Variants in MAOB observed in about 807,000 individuals in gnomAD.
MAOB encodes the protein amine oxidase [flavin-containing] B.
MAOB carries 15 observed loss-of-function variants against 41.9 expected under a neutral mutation model. The observed-to-expected ratio is 0.36, with a 90% CI of 0.24 to 0.55. The LOEUF (loss-of-function observed/expected upper bound fraction) is 0.55, where lower values mean the gene tolerates loss of function less well. Among genes scored for constraint, MAOB ranks in the 20% least tolerant of loss-of-function variants. The pLI is 0.86. For synonymous variants in MAOB, 167 were observed against 144.2 expected (o/e 1.16, Z -1.13); for missense variants, 345 against 398.7 (o/e 0.87, Z 1.15).
intron 3 of MAOB, among the ~76,000 whole-genome samples, chrX:43,816,648 G>T (rs1261312836): frequency 8.9e-6 from 1 of 112,229 alleles, no homozygotes; most frequent in Non-Finnish European, 1.9e-5. Flanking sequence ...TAACCAACCT[G>T]ATGCACTGTA....
intron 11 of MAOB, among the ~76,000 whole-genome samples, chrX:43,777,141 C>T (rs979487837): frequency 2.7e-5 from 3 of 111,292 alleles, no homozygotes; most frequent in Middle Eastern, 4.6e-3. Flanking sequence ...GTCAGTGTGG[C>T]GATTCCTCAG....
intron 11 of MAOB, among the ~76,000 whole-genome samples, chrX:43,778,430 T>C (rs2034287398): frequency 9.0e-6 from 1 of 111,276 alleles, no homozygotes; most frequent in South Asian, 3.9e-4. Flanking sequence ...GAAGAAACTC[T>C]GAATTCAGGG....
intron 2 of MAOB, 51 bp from the exon 3 acceptor site, chrX:43,839,056 A>G (rs373630354): frequency 5.7e-5 from 55 of 958,946 alleles, no homozygotes; most frequent in Non-Finnish European, 7.3e-5. Context: ...AATGTATAAA[A>G]TAACAAAAGA....
In MAOB at chrX:43,780,395, T is replaced by A; in HGVS notation, c.1026A>T (p.Gly342=). The part of the protein sequence containing the change: ...KPEGNYAAIM[G]FILAHKARKL... ...TTCTGGCTTTGTGGGCCAGGATAAA[T>A]CTAAAGAATATAAACAAGAAAAAGG... The change falls in exon 10 of 15, where the codon GGA becomes GGT. Residue 342 remains glycine (G), a splice_region_variant and synonymous_variant. Coordinates refer to ENST00000378069, the MANE Select transcript of MAOB (RefSeq NM_000898.5). 8.4e-7 allele frequency: 1 copy of A among 1,190,419 alleles called. No individual in the cohort carries two copies. Among genetic ancestry groups the A allele is most frequent in the Non-Finnish European group, 1.1e-6 (1 of 877,571 alleles).
chrX:43,847,495 G>A (rs2035216136), intron 1 of MAOB, among the ~76,000 whole-genome samples: 1 of 111,498 alleles, frequency 9.0e-6, no homozygotes, highest in African/African-American at 3.3e-5. Flanking sequence ...ATTTTAAAAA[G>A]AAAAAATGGC....
intron 8 of MAOB, among the ~76,000 whole-genome samples, chrX:43,781,965 G>A (rs1452049923): frequency 8.9e-6 from 1 of 112,062 alleles, no homozygotes; most frequent in Non-Finnish European, 1.9e-5. Flanking sequence ...CTTATTCTAA[G>A]TAGTTCTTTA....
chrX:43,881,402 G>C (rs954778541), intron 1 of MAOB, among the ~76,000 whole-genome samples: 2 of 113,127 alleles, frequency 1.8e-5, no homozygotes, highest in African/African-American at 6.4e-5. Context: ...AGCATGCCCA[G>C]GGGGCCATTA....
chrX:43,768,674 G>A lies in MAOB; in HGVS notation c.1390C>T (p.Gln464Ter). Residue 464 changes from glutamine to a stop codon, truncating the protein, a stop_gained, in exon 14 of 15, where the codon CAG becomes TAG. Coordinates refer to ENST00000378069, the MANE Select transcript of MAOB (RefSeq NM_000898.5). LOFTEE classifies it high-confidence loss of function. ...MGKIPEDEIW[Q>*]SEPESVDVPA... ...CCTACCACAGACTCTGGTTCTGACT[G>A]CCAGATTTCATCCTCTGGAATCTTC... The A allele has an allele frequency of 8.3e-7, 1 of 1,208,843 alleles. No individual in the cohort carries two copies. Among genetic ancestry groups the A allele is most frequent in the Non-Finnish European group, 1.1e-6 (1 of 893,009 alleles).
chrX:43,817,915 C>T (rs915577806), intron 3 of MAOB, among the ~76,000 whole-genome samples: 4 of 112,069 alleles, frequency 3.6e-5, no homozygotes, highest in African/African-American at 1.3e-4. Context: ...ATATTGAGTG[C>T]CTCTCCACGC....
Position 43,882,201 on chromosome X carries a change from A to C in MAOB, c.46+53T>G. 5.0e-6 allele frequency: 6 copies of C among 1,197,050 alleles called. No individual in the cohort carries two copies. The South Asian group carries it at 1.1e-4, about 22-fold the overall frequency. On this transcript the variant is annotated intron_variant, in intron 1 of 14. Transcript: ENST00000378069. ...GCCGCCCCCCGCGTCTCCCCCAGGC[A>C]GCCACCTGTCCGAGCGCGTGAAGAG... is the stretch of plus-strand genomic sequence containing the variant.
chrX:43,793,198 C>T (rs1354038668), intron 8 of MAOB, among the ~76,000 whole-genome samples: 1 of 111,552 alleles, frequency 9.0e-6, no homozygotes, highest in Non-Finnish European at 1.9e-5. Context: ...GTAAGGAGTA[C>T]AGCAAGAGTT....
chrX:43,781,773 T>C (rs2034336195), intron 8 of MAOB, among the ~76,000 whole-genome samples: 1 of 111,855 alleles, frequency 8.9e-6, no homozygotes, highest in Admixed American at 9.5e-5. Context: ...ATAAAGCATA[T>C]GATATTAGGA....
chrX:43,814,088 G>T (rs1275283630), intron 3 of MAOB, among the ~76,000 whole-genome samples: 2 of 110,733 alleles, frequency 1.8e-5, no homozygotes, highest in African/African-American at 6.6e-5. Context: ...GAATGCTCCA[G>T]GCAGGCAGAG....
intron 1 of MAOB, among the ~76,000 whole-genome samples, chrX:43,855,402 G>A (rs1338833130): frequency 3.7e-5 from 4 of 107,562 alleles, no homozygotes; most frequent in Non-Finnish European, 7.7e-5. Context: ...GCATATACGT[G>A]TGTGTGTGTG....
chrX:43,809,748 A>C (rs1378147747), intron 3 of MAOB, among the ~76,000 whole-genome samples: 4 of 112,240 alleles, frequency 3.6e-5, no homozygotes, highest in Non-Finnish European at 7.5e-5. Flanking sequence ...TGAAGAAATC[A>C]TGAGAAGACA....
chrX:43,796,383 T>A (rs1008030994), intron 6 of MAOB, among the ~76,000 whole-genome samples: 4 of 111,421 alleles, frequency 3.6e-5, no homozygotes, highest in Non-Finnish European at 7.5e-5. Context: ...CTGGGTCAGA[T>A]GCCTGCTGCT....
At chrX:43,857,143 AGAGAG>A (rs2035300571) in intron 1 of MAOB, among the ~76,000 whole-genome samples, 1 of 62,271 alleles carries the variant, frequency 1.6e-5, no homozygotes. Flanking sequence ...AGAGAGAGAG[AGAGAG>A]AGAGAGAGAG....
intron 1 of MAOB, among the ~76,000 whole-genome samples, chrX:43,872,994 A>T (rs2035417713): frequency 8.9e-6 from 1 of 112,598 alleles, no homozygotes; most frequent in Non-Finnish European, 1.9e-5. Flanking sequence ...TAGATCATCA[A>T]GATGGAATGT....
intron 3 of MAOB, among the ~76,000 whole-genome samples, chrX:43,831,560 G>A (rs1412549659): frequency 1.8e-5 from 2 of 110,601 alleles, no homozygotes; most frequent in East Asian, 5.7e-4. Context: ...ATGACTGAGA[G>A]AGGGAGGAAG....
Sources: allele counts gnomAD v4.1 joint callset (sites outside exome capture counted in the v4.1 genomes callset), GRCh38; gene constraint gnomAD v4.1.1; transcripts MANE v1.5; gene names NCBI Gene and HGNC (gene_info 2026-07-23, HGNC 2026-07-21).